Variants in CADM2 observed in about 807,000 individuals in gnomAD.
CADM2 encodes the protein cell adhesion molecule 2.
A neutral mutation model predicts 49.8 loss-of-function variants in CADM2; 12 were observed. The observed-to-expected ratio is 0.24, with a 90% confidence interval of 0.15 to 0.39. CADM2 has a LOEUF of 0.39. CADM2 is among the 10% of genes least tolerant of loss of function. CADM2 has a pLI of 1.00. For synonymous variants in CADM2, 214 were observed against 175.4 expected, an observed-to-expected ratio of 1.22 and a Z score of -1.74; for missense variants, 378 against 492.3, an observed-to-expected ratio of 0.77 and a Z score of 2.20.
At chr3:85,951,950 G>A (rs1414490300) in intron 7 of CADM2, among the ~76,000 whole-genome samples, 2 of 150,986 alleles carry the variant, frequency 1.3e-5, no homozygotes, top group Non-Finnish European at 3.0e-5. Context: ...TGGCTAAGGA[G>A]GGAAGTGAAC....
intron 5 of CADM2, among the ~76,000 whole-genome samples, chr3:85,905,771 A>AT (rs1202606308): frequency 6.6e-6 from 1 of 152,180 alleles, no homozygotes; most frequent in Non-Finnish European, 1.5e-5. Context: ...GGTAATTTTA[A>AT]TTTTTAAATG....
intron 1 of CADM2, among the ~76,000 whole-genome samples, chr3:85,168,534 C>T (rs1243530096): frequency 6.6e-6 from 1 of 152,054 alleles, no homozygotes; most frequent in Non-Finnish European, 1.5e-5. Flanking sequence ...TTTCAAGAAA[C>T]ATAATTCAGA....
chr3:85,315,728 G>C (rs942348814), intron 1 of CADM2, among the ~76,000 whole-genome samples: 2 of 152,048 alleles, frequency 1.3e-5, no homozygotes, highest in Non-Finnish European at 2.9e-5. Context: ...TATCAAATAT[G>C]ATATAGCATT....
At chr3:85,246,710 C>A (rs9845394) in intron 1 of CADM2, among the ~76,000 whole-genome samples, 62,424 of 151,418 alleles carry the variant, frequency 0.41, 14,710 homozygotes, top group Admixed American at 0.56. Flanking sequence ...GTGAAACAGG[C>A]TAGGCAACTG....
intron 1 of CADM2, among the ~76,000 whole-genome samples, chr3:85,236,391 A>G (rs1441246356): frequency 6.6e-6 from 1 of 152,110 alleles, no homozygotes; most frequent in Non-Finnish European, 1.5e-5. Context: ...ACAAAATGAG[A>G]GTAATAATTG....
chr3:85,717,830 C>T (rs2067351791), intron 1 of CADM2, among the ~76,000 whole-genome samples: 2 of 152,136 alleles, frequency 1.3e-5, no homozygotes, highest in South Asian at 2.1e-4. Context: ...TGCAATGGCA[C>T]TATCGTGGCT....
At chr3:85,019,454 A>G (rs539752823) in intron 1 of CADM2, among the ~76,000 whole-genome samples, 2 of 152,206 alleles carry the variant, frequency 1.3e-5, no homozygotes, top group Non-Finnish European at 2.9e-5. Context: ...CTGCACTCTC[A>G]CCTGGTTGAC....
At chr3:85,719,894 A>C (rs2107763209) in intron 1 of CADM2, among the ~76,000 whole-genome samples, 1 of 152,278 alleles carries the variant, frequency 6.6e-6, no homozygotes, top group African/African-American at 2.4e-5. Flanking sequence ...TACATCCCAA[A>C]ATTATTATGA....
chr3:85,336,979 AAT>A (rs549422386), intron 1 of CADM2, among the ~76,000 whole-genome samples: 4,795 of 21,446 alleles, frequency 0.22, 263 homozygotes, highest in Middle Eastern at 0.45. Context: ...ATATATATTT[AAT>A]ATATATATAT....
intron 1 of CADM2, among the ~76,000 whole-genome samples, chr3:85,724,940 T>C (rs1559615620): frequency 6.6e-6 from 1 of 151,864 alleles, no homozygotes; most frequent in Admixed American, 6.6e-5. Flanking sequence ...GGGCTTTAAA[T>C]TTTATGAATT....
chr3:85,392,659 T>C (rs2034571266), intron 1 of CADM2, among the ~76,000 whole-genome samples: 2 of 152,136 alleles, frequency 1.3e-5, no homozygotes, highest in South Asian at 2.1e-4. Context: ...AGGTAAATTC[T>C]GGTCAATACA....
chr3:85,707,338 A>G (rs966222104), intron 1 of CADM2, among the ~76,000 whole-genome samples: 30 of 149,532 alleles, frequency 2.0e-4, no homozygotes, highest in Non-Finnish European at 3.8e-4. Context: ...GTAGATTACC[A>G]CTATTTTCTA....
At chr3:85,265,020 GATAAA>G (rs1278949113) in intron 1 of CADM2, among the ~76,000 whole-genome samples, 1 of 151,870 alleles carries the variant, frequency 6.6e-6, no homozygotes, top group Non-Finnish European at 1.5e-5. Flanking sequence ...GCACGAATTA[GATAAA>G]ATAACATATG....
intron 1 of CADM2, among the ~76,000 whole-genome samples, chr3:85,630,239 C>T (rs949669366): frequency 6.6e-6 from 1 of 151,932 alleles, no homozygotes; most frequent in African/African-American, 2.4e-5. Context: ...TATCTCACCC[C>T]AGGTCTGTTT....
Position 84,959,368 on chromosome 3 carries a change from C to T in CADM2, c.-240C>T. The stretch of plus-strand genomic sequence containing the variant: ...GGAAGACGGGCTGTCGCGGCTGCAC[C>T]ACCAGCAGGAGGAGGAGGAGAAGAA... On this transcript the variant is annotated 5_prime_UTR_variant, in exon 1 of 10. Transcript: ENST00000383699. 1 of 570,734 alleles carries T rather than the reference C, an allele frequency of 1.8e-6. No homozygotes were observed. Among genetic ancestry groups the T allele is most frequent in the Non-Finnish European group, 3.1e-6 (1 of 320,852 alleles). The allele number at this position is 570,734 out of a possible 1,614,324, so 35.4% of individuals were successfully genotyped here.
At chr3:85,578,423 G>T (rs1044037424) in intron 1 of CADM2, among the ~76,000 whole-genome samples, 1 of 152,220 alleles carries the variant, frequency 6.6e-6, no homozygotes. Context: ...TGATATGAGA[G>T]AGATGTTTTA....
At chr3:85,458,696 T>C (rs1005278137) in intron 1 of CADM2, among the ~76,000 whole-genome samples, 3 of 152,114 alleles carry the variant, frequency 2.0e-5, no homozygotes, top group African/African-American at 7.2e-5. Context: ...GGGGGCCAAG[T>C]GGGAGACAAG....
chr3:85,287,407 C>T (rs1441459059), intron 1 of CADM2, among the ~76,000 whole-genome samples: 1 of 151,862 alleles, frequency 6.6e-6, no homozygotes, highest in Non-Finnish European at 1.5e-5. Flanking sequence ...TCTTACATGG[C>T]TGAGTTTCAT....
At chr3:85,885,954 C>T (rs913739961) in intron 4 of CADM2, among the ~76,000 whole-genome samples, 8 of 151,006 alleles carry the variant, frequency 5.3e-5, no homozygotes, top group Non-Finnish European at 1.2e-4. Flanking sequence ...TATATCTGTA[C>T]ACATATATAT....
Sources: gnomAD v4.1 joint callset for allele counts (sites outside exome capture counted in the v4.1 genomes callset) on GRCh38, gnomAD v4.1.1 for gene constraint, MANE v1.5 for transcripts, NCBI Gene and HGNC (gene_info 2026-07-23, HGNC 2026-07-21) for gene names.